The following KCTD1 variants were observed in gnomAD, a reference collection of about 807,000 sequenced individuals.
KCTD1 encodes the protein BTB/POZ domain-containing protein KCTD1.
Under a neutral mutation model 66.0 loss-of-function variants are expected in KCTD1, and 24 were observed. The ratio of observed to expected loss-of-function variants is 0.36; its 90% confidence interval spans 0.26 to 0.51. KCTD1 has a LOEUF of 0.51. KCTD1 is among the 20% of genes least tolerant of loss of function. KCTD1 has a pLI of 0.95. For synonymous variants in KCTD1, 511 were observed against 517.2 expected (o/e 0.99, Z 0.16); for missense variants, 943 against 1,205.2 (o/e 0.78, Z 3.22).
At chr18:26,589,081 A>T (rs1434972954) in intron 1 of KCTD1, among the ~76,000 whole-genome samples, 1 of 152,100 alleles carries the variant, frequency 6.6e-6, no homozygotes, top group Non-Finnish European at 1.5e-5. Context: ...GGGGGAATGG[A>T]GGATATGAAG....
chr18:26,613,994 C>T (rs1396031137), intron 1 of KCTD1, among the ~76,000 whole-genome samples: 1 of 152,192 alleles, frequency 6.6e-6, no homozygotes, highest in Non-Finnish European at 1.5e-5. Context: ...AGCCCCACCA[C>T]CCCTTCCTCA....
At chr18:26,517,145 G>C (rs62087053) in intron 1 of KCTD1, among the ~76,000 whole-genome samples, 17,413 of 152,176 alleles carry the variant, frequency 0.11, 1,022 homozygotes, top group South Asian at 0.18. Context: ...CGGGACATTA[G>C]GAGTGCTGGT....
intron 1 of KCTD1, among the ~76,000 whole-genome samples, chr18:26,505,056 G>A (rs991185773): frequency 6.6e-6 from 1 of 152,254 alleles, no homozygotes; most frequent in African/African-American, 2.4e-5. Flanking sequence ...TGTGACTTGG[G>A]AAAATAAATT....
At chr18:26,515,509 CTT>C (rs11389627) in intron 1 of KCTD1, among the ~76,000 whole-genome samples, 13 of 133,092 alleles carry the variant, frequency 9.8e-5, no homozygotes, top group Admixed American at 1.6e-4. Context: ...CCTCTTTTTT[CTT>C]TTTTTTTTTT....
At chr18:26,510,151 A>T (rs1983263381) in intron 1 of KCTD1, among the ~76,000 whole-genome samples, 1 of 152,240 alleles carries the variant, frequency 6.6e-6, no homozygotes, top group African/African-American at 2.4e-5. Flanking sequence ...CCCAACAAAA[A>T]GGCAGTGCTT....
upstream of KCTD1, among the ~76,000 whole-genome samples, chr18:26,642,494 T>C (rs1987851524): frequency 6.6e-6 from 1 of 152,208 alleles, no homozygotes; most frequent in South Asian, 2.1e-4. Context: ...TGATTTTTAG[T>C]TCTGCTTAGG....
At chr18:26,478,025 C>G (rs1173856948) in intron 2 of KCTD1, among the ~76,000 whole-genome samples, 2 of 152,198 alleles carry the variant, frequency 1.3e-5, no homozygotes, top group East Asian at 3.8e-4. Flanking sequence ...ACACATCAAT[C>G]AAACAGTAGG....
At chr18:26,605,545 C>G (rs1227645322) in intron 1 of KCTD1, among the ~76,000 whole-genome samples, 1 of 151,988 alleles carries the variant, frequency 6.6e-6, no homozygotes, top group Non-Finnish European at 1.5e-5. Context: ...CCAATTGCCT[C>G]CAGAAAAAAT....
At chr18:26,559,870 C>G (rs150151632) in intron 1 of KCTD1, among the ~76,000 whole-genome samples, 2 of 152,338 alleles carry the variant, frequency 1.3e-5, no homozygotes, top group Non-Finnish European at 2.9e-5. Context: ...CAGCGACCTT[C>G]TGCTGCAGGA....
chr18:26,501,268 A>C lies in KCTD1; in HGVS notation c.1810-18T>G, dbSNP rs747212704. ...CGACTGTCCTACAGAGAGATAAGCA[A>C]GTTTAGATACTTTTTCTCTTTACAG... On this transcript the variant is annotated intron_variant, in intron 1 of 4. Coordinates refer to ENST00000580059, the MANE Select transcript of KCTD1 (RefSeq NM_001142730.3). 6.2e-7 allele frequency: 1 copy of C among 1,606,522 alleles called. No homozygotes were observed.
At chr18:26,614,473 G>A (rs1987206414) in intron 1 of KCTD1, among the ~76,000 whole-genome samples, 1 of 152,202 alleles carries the variant, frequency 6.6e-6, no homozygotes, top group South Asian at 2.1e-4. Context: ...TTTTTGAGAT[G>A]AGCCTGGTGC....
intron 3 of KCTD1, among the ~76,000 whole-genome samples, chr18:26,467,758 T>C (rs928153355): frequency 6.6e-6 from 1 of 151,980 alleles, no homozygotes; most frequent in Non-Finnish European, 1.5e-5. Flanking sequence ...AAGGTTGCAG[T>C]GAGCCGAGAT....
intron 1 of KCTD1, among the ~76,000 whole-genome samples, chr18:26,603,636 G>T (rs1216308874): frequency 1.3e-5 from 2 of 151,694 alleles, no homozygotes; most frequent in Admixed American, 1.3e-4. Flanking sequence ...CCAGCTATTC[G>T]GCAGGCTGAG....
intron 1 of KCTD1, among the ~76,000 whole-genome samples, chr18:26,656,037 G>A (rs1988127669): frequency 6.6e-6 from 1 of 152,162 alleles, no homozygotes; most frequent in African/African-American, 2.4e-5. Context: ...GCGGGAGTGG[G>A]TAGGGGGGCG....
At chr18:26,497,770 G>C (rs539737507) in intron 2 of KCTD1, among the ~76,000 whole-genome samples, 1 of 152,312 alleles carries the variant, frequency 6.6e-6, no homozygotes, top group East Asian at 1.9e-4. Context: ...TGTAAGGCTT[G>C]TTTCAAAGAG....
At chr18:26,643,733 C>A (rs575154693), upstream of KCTD1, among the ~76,000 whole-genome samples, 6 of 152,214 alleles carry the variant, frequency 3.9e-5, no homozygotes, top group East Asian at 9.7e-4. Context: ...GAGGCCAAGG[C>A]GGGCATATCA....
chr18:26,533,546 C>G (rs1300460613), intron 1 of KCTD1, among the ~76,000 whole-genome samples: 3 of 152,168 alleles, frequency 2.0e-5, no homozygotes, highest in Non-Finnish European at 4.4e-5. Flanking sequence ...GTAGCGCAGG[C>G]TGTAGTGCAG....
chr18:26,641,540 T>G (rs1987833818), upstream of KCTD1, among the ~76,000 whole-genome samples: 1 of 152,134 alleles, frequency 6.6e-6, no homozygotes, highest in African/African-American at 2.4e-5. Context: ...TTTCCTTTTT[T>G]CATTTCCCCA....
chr18:26,583,393 CAAAAAA>C (rs55720907), intron 1 of KCTD1, among the ~76,000 whole-genome samples: 58 of 83,816 alleles, frequency 6.9e-4, no homozygotes, highest in East Asian at 5.4e-3. Context: ...GACTTTGTCT[CAAAAAA>C]AAAAAAAAAA....
Sources: gnomAD v4.1 joint callset for allele counts (sites outside exome capture counted in the v4.1 genomes callset) on GRCh38, gnomAD v4.1.1 for gene constraint, MANE v1.5 for transcripts, NCBI Gene and HGNC (gene_info 2026-07-23, HGNC 2026-07-21) for gene names.